TRIO: variants seen among roughly 807,000 people sequenced by gnomAD.
The protein encoded by TRIO is triple functional domain protein.
Under a neutral mutation model 351.9 loss-of-function variants are expected in TRIO, and 58 were observed. The ratio of observed to expected loss-of-function variants is 0.16; its 90% CI spans 0.13 to 0.21. The LOEUF (loss-of-function observed/expected upper bound fraction) is 0.21, where lower values mean the gene tolerates loss of function less well. Ranked by LOEUF, TRIO falls within the 10% of genes least tolerant of loss-of-function variation. The pLI, the probability that TRIO is intolerant of heterozygous loss-of-function variation, is 1.00. For missense variants in TRIO, 3,201 were observed against 4,027.8 expected (o/e 0.79, Z 5.56); for synonymous variants, 1,758 against 1,595.7 (o/e 1.10, Z -2.42).
At chr5:14,275,208 A>G (rs1286919992) in intron 2 of TRIO, among the ~76,000 whole-genome samples, 1 of 152,228 alleles carries the variant, frequency 6.6e-6, no homozygotes, top group Non-Finnish European at 1.5e-5. Context: ...GGACATAATT[A>G]CTTACTTTGT....
At chr5:14,253,133 T>G (rs112249015) in intron 1 of TRIO, among the ~76,000 whole-genome samples, 1 of 152,344 alleles carries the variant, frequency 6.6e-6, no homozygotes, top group Non-Finnish European at 1.5e-5. Context: ...AAGGAAATGC[T>G]GATTTCAAAG....
At chr5:14,279,438 G>T (rs1314477651) in intron 2 of TRIO, among the ~76,000 whole-genome samples, 1 of 152,068 alleles carries the variant, frequency 6.6e-6, no homozygotes, top group Non-Finnish European at 1.5e-5. Flanking sequence ...GTTTTGTATT[G>T]TGACTTGAAT....
chr5:14,339,105 G>T (rs1741700574), intron 11 of TRIO, among the ~76,000 whole-genome samples: 1 of 152,100 alleles, frequency 6.6e-6, no homozygotes, highest in African/African-American at 2.4e-5. Flanking sequence ...GCCGGGTGTG[G>T]TGGCACCTGT....
At chr5:14,342,652 A>G (rs572420176) in intron 11 of TRIO, among the ~76,000 whole-genome samples, 57 of 152,294 alleles carry the variant, frequency 3.7e-4, no homozygotes, top group African/African-American at 1.4e-3. Context: ...AAAGTTGTCT[A>G]AAATTTGGTT....
intron 54 of TRIO, among the ~76,000 whole-genome samples, chr5:14,503,295 A>G (rs1757423539): frequency 6.6e-6 from 1 of 152,270 alleles, no homozygotes; most frequent in Admixed American, 6.5e-5. Flanking sequence ...AACTCCAGCC[A>G]GCAGCACCCT....
intron 27 of TRIO, among the ~76,000 whole-genome samples, chr5:14,392,845 C>CTG (rs1747218235): frequency 6.6e-6 from 1 of 152,082 alleles, no homozygotes; most frequent in South Asian, 2.1e-4. Context: ...AGGAGATCGA[C>CTG]ACCATCCTGG....
intron 11 of TRIO, among the ~76,000 whole-genome samples, chr5:14,357,460 C>T (rs898842245): frequency 3.3e-5 from 5 of 152,212 alleles, no homozygotes; most frequent in Non-Finnish European, 7.3e-5. Context: ...CTGGCTCCCA[C>T]CTGGCCCAAA....
intron 48 of TRIO, chr5:14,488,642 CT>C: frequency 1.9e-6 from 1 of 525,860 alleles, no homozygotes; most frequent in Non-Finnish European, 3.4e-6. Flanking sequence ...AACCTGTACA[CT>C]TTAAGCTTTT....
rs754497690 is a variant in TRIO at position 14,504,540 on chromosome 5, C to T, written c.8559C>T (p.Val2853=). The T allele has an allele frequency of 8.1e-6, 13 of 1,614,006 alleles. No individual in the cohort carries two copies. In the Admixed American group the frequency reaches 8.3e-5, roughly 10 times the overall value. Residue 2853 remains valine (V), a synonymous_variant, in exon 55 of 57, where the codon GTC becomes GTT. Coordinates refer to ENST00000344204, the MANE Select transcript of TRIO (RefSeq NM_007118.4). ...AGAGCCTCCAGCACCCCCTGCTTGT[C>T]GGCCTCCTCGACACCTTTGAGACCC... is the stretch of plus-strand genomic sequence containing the variant. The part of the protein sequence containing the change: ...ILQSLQHPLL[V]GLLDTFETPT...
chr5:14,160,749 A>G (rs954596547), intron 1 of TRIO, among the ~76,000 whole-genome samples: 43 of 152,142 alleles, frequency 2.8e-4, no homozygotes, highest in African/African-American at 1.0e-3. Flanking sequence ...GTACACGCCT[A>G]TTTTACTTGT....
chr5:14,153,253 TA>T (rs1165316957), intron 1 of TRIO, among the ~76,000 whole-genome samples: 4 of 152,180 alleles, frequency 2.6e-5, no homozygotes, highest in Non-Finnish European at 2.9e-5. Flanking sequence ...TGCTATCCTC[TA>T]AATCTTTAAC....
intron 8 of TRIO, among the ~76,000 whole-genome samples, chr5:14,309,016 C>T (rs561311720): frequency 5.9e-5 from 9 of 152,038 alleles, no homozygotes; most frequent in East Asian, 1.9e-4. Flanking sequence ...CATCCACCCA[C>T]GCAGTCACCC....
At chr5:14,484,251 A>G (rs1356540186) in intron 46 of TRIO, among the ~76,000 whole-genome samples, 1 of 152,246 alleles carries the variant, frequency 6.6e-6, no homozygotes, top group Non-Finnish European at 1.5e-5. Context: ...TAATCATGAT[A>G]TCACATACAA....
chr5:14,343,009 G>T (rs949650644), intron 11 of TRIO, among the ~76,000 whole-genome samples: 1 of 149,752 alleles, frequency 6.7e-6, no homozygotes, highest in African/African-American at 2.5e-5. Context: ...TACCTCCAAA[G>T]ATGTCATATC....
At chr5:14,487,434 C>G (rs780494070) in intron 47 of TRIO, 30 bp from the exon 48 acceptor site, 37 of 1,099,702 alleles carry the variant, frequency 3.4e-5, no homozygotes, top group Non-Finnish European at 4.0e-5. Context: ...GGCGCCCTGA[C>G]CCAGTCTCTC....
Position 14,253,807 on chromosome 5 carries a change from C to T in TRIO, c.158-17018C>T, listed in dbSNP as rs115766235. On this transcript the variant is annotated intron_variant, in intron 1 of 56. Coordinates refer to ENST00000344204, the MANE Select transcript of TRIO (RefSeq NM_007118.4). ...GAAATAAAGTCTTAGCTATTTCTCA[C>T]TCTCATTCTCTCCAAAGTGTATGCT... is the stretch of plus-strand genomic sequence containing the variant. Among the ~76,000 whole-genome samples the T allele has an allele frequency of 4.9e-3, 747 of 152,296 alleles. 6 individuals carry two copies. The highest frequency in any genetic ancestry group is 0.016 in the African/African-American group (665 of 41,556).
intron 46 of TRIO, among the ~76,000 whole-genome samples, chr5:14,484,138 C>G (rs1755746541): frequency 6.6e-6 from 1 of 152,164 alleles, no homozygotes; most frequent in Admixed American, 6.5e-5. Flanking sequence ...TGAGAACTGC[C>G]TACCCATTCT....
intron 6 of TRIO, among the ~76,000 whole-genome samples, chr5:14,296,327 C>T (rs1039874468): frequency 1.3e-5 from 2 of 152,204 alleles, no homozygotes; most frequent in African/African-American, 4.8e-5. Flanking sequence ...CACCACACCA[C>T]ACCCTGCGAT....
chr5:14,481,771 CTTTTTTTT>C (rs34046917), intron 45 of TRIO, 153 bp downstream of exon 45: 154 of 189,272 alleles, frequency 8.1e-4, no homozygotes, highest in East Asian at 2.5e-3. Flanking sequence ...ATTTTATTTC[CTTTTTTTT>C]TTTTTTTTTT....
Sources: allele counts gnomAD v4.1 joint callset (sites outside exome capture counted in the v4.1 genomes callset), GRCh38; gene constraint gnomAD v4.1.1; transcripts MANE v1.5; gene names NCBI Gene and HGNC (gene_info 2026-07-23, HGNC 2026-07-21).